GET4: variants seen among roughly 807,000 people sequenced by gnomAD.
GET4 encodes guided entry of tail-anchored proteins factor 4, also known as Golgi to ER traffic protein 4 homolog.
A neutral mutation model predicts 40.0 loss-of-function variants in GET4; 20 were observed. The ratio of observed to expected loss-of-function variants is 0.50; its 90% CI spans 0.35 to 0.73. The LOEUF is 0.73. Ranked by LOEUF, GET4 falls within the 30% of genes least tolerant of loss-of-function variation. The pLI is 0.01. For missense variants in GET4, 557 were observed against 454.0 expected (o/e 1.23, Z -2.06); for synonymous variants, 280 against 194.6 (o/e 1.44, Z -3.65).
intron 8 of GET4, 48 bp from the exon 9 acceptor site, chr7:895,286 C>T (rs773660403): frequency 3.3e-6 from 3 of 911,062 alleles, no homozygotes; most frequent in East Asian, 2.5e-5. Context: ...GCTTGGGGGC[C>T]TGTGGGAGGC....
At chr7:880,658 G>A (rs931307543) in intron 1 of GET4, 4 of 152,220 alleles carry the variant, frequency 2.6e-5, no homozygotes, top group Non-Finnish European at 4.4e-5. Flanking sequence ...TACGGGGCCC[G>A]GGACACGTTA....
intron 4 of GET4, among the ~76,000 whole-genome samples, chr7:888,843 C>T (rs1844249531): frequency 6.6e-6 from 1 of 152,262 alleles, no homozygotes; most frequent in Non-Finnish European, 1.5e-5. Context: ...GCGTGGGCCC[C>T]ACTGCCAGGT....
chr7:889,045 G>A (rs1397745131), intron 4 of GET4, among the ~76,000 whole-genome samples: 3 of 152,254 alleles, frequency 2.0e-5, no homozygotes, highest in Non-Finnish European at 4.4e-5. Context: ...GACCTGCATG[G>A]CAGCTCCTAA....
intron 4 of GET4, 124 bp downstream of exon 4, chr7:887,643 G>C: frequency 1.4e-6 from 1 of 721,512 alleles, no homozygotes; most frequent in Non-Finnish European, 2.0e-6. Context: ...GTGGTCACGC[G>C]GGCCGGTCCA....
chr7:885,328 G>C (rs1454675061), intron 1 of GET4: 1 of 152,216 alleles, frequency 6.6e-6, no homozygotes, highest in African/African-American at 2.4e-5. Flanking sequence ...TGCTGCTCTC[G>C]CAGGCAGGGG....
chr7:894,480 G>T (rs574421178), intron 8 of GET4, among the ~76,000 whole-genome samples: 1 of 152,276 alleles, frequency 6.6e-6, no homozygotes, highest in African/African-American at 2.4e-5. Flanking sequence ...GGTGTGAGGT[G>T]GTGACCTCTC....
chr7:886,586 C>T lies in GET4; in HGVS notation c.252C>T (p.Asp84=), dbSNP rs768763123. ...TCTTGTAGCAAAACAGTGCAGCAGA[C>T]TTGTCCATGCTGGTCCTGGAGTCCC... The part of the protein sequence containing the change: ...FSHGQQNSAA[D]LSMLVLESLE... Residue 84 remains aspartate, a synonymous_variant, in exon 3 of 9, where the codon GAC becomes GAT. Coordinates refer to ENST00000265857, the MANE Select transcript of GET4 (RefSeq NM_015949.3). The T allele has an allele frequency of 6.2e-6, 10 of 1,612,676 alleles. No individual in the cohort carries two copies. Among genetic ancestry groups the T allele is most frequent in the South Asian group, 3.3e-5 (3 of 91,060 alleles).
At chr7:894,016 G>C (rs1844409160) in intron 8 of GET4, 45 bp downstream of exon 8, 7 of 1,361,624 alleles carry the variant, frequency 5.1e-6, no homozygotes, top group Non-Finnish European at 7.0e-6. Context: ...CCCTGGGTCG[G>C]TGTGGGGTCA....
At chr7:879,012 C>G (rs991287310) in intron 1 of GET4, among the ~76,000 whole-genome samples, 6 of 152,122 alleles carry the variant, frequency 3.9e-5, no homozygotes, top group Non-Finnish European at 7.4e-5. Flanking sequence ...GGACCCATCA[C>G]TCACATCGGG....
In GET4 at chr7:886,055, G is replaced by C; in HGVS notation, c.156-1G>C. The C allele has an allele frequency of 6.3e-7, 1 of 1,590,622 alleles. No homozygotes were observed. The highest frequency in any genetic ancestry group is 8.6e-7 in the Non-Finnish European group (1 of 1,160,202). On this transcript the variant is annotated splice_acceptor_variant, in intron 1 of 8. Coordinates refer to ENST00000265857, the MANE Select transcript of GET4 (RefSeq NM_015949.3). LOFTEE classifies it high-confidence loss of function. ...GGCTCACGGTCTCCTCTCTGTGGCA[G>C]GTACATGTCCCAGAGCAAGCACACG...
chr7:891,751 C>G (rs986501256), intron 5 of GET4, among the ~76,000 whole-genome samples: 1 of 152,290 alleles, frequency 6.6e-6, no homozygotes, highest in South Asian at 2.1e-4. Flanking sequence ...GGAGCTTTGC[C>G]AGGAGCTGGC....
chr7:887,224 G>C (rs763207842), intron 3 of GET4, 146 bp from the exon 4 acceptor site: 11 of 841,910 alleles, frequency 1.3e-5, no homozygotes, highest in Non-Finnish European at 2.1e-5. Flanking sequence ...AGCTCAGTGT[G>C]GTGGTCCACG....
intron 1 of GET4, 87 bp downstream of exon 1, chr7:876,887 G>C (rs1489848632): frequency 2.7e-6 from 2 of 731,402 alleles, no homozygotes; most frequent in East Asian, 9.7e-5. Context: ...GCCCCCATTG[G>C]GCCGCGCCGC....
At chr7:886,281 TC>T in intron 2 of GET4, 147 bp downstream of exon 2, 2 of 634,536 alleles carry the variant, frequency 3.2e-6, no homozygotes. Flanking sequence ...GGGCCCAGAG[TC>T]CCCCCTGGCT....
At chr7:893,996 C>G (rs956149205) in intron 8 of GET4, 25 bp downstream of exon 8, 1 of 1,510,214 alleles carries the variant, frequency 6.6e-7, no homozygotes, top group African/African-American at 1.4e-5. Context: ...CCTTGTCACA[C>G]CCACTCCAGC....
chr7:892,426 T>G lies in GET4; in HGVS notation c.746+8T>G. ...GCTGCTGGCTGTGGACGGGTGCGTC[T>G]TGGGATCCTGCAGGGGGAGGGGGCT... On this transcript the variant is annotated splice_region_variant and intron_variant, in intron 6 of 8. Transcript: ENST00000265857. 1.3e-6 allele frequency: 2 copies of G among 1,584,340 alleles called. No individual in the cohort carries two copies. The highest frequency in any genetic ancestry group is 2.2e-5 in the South Asian group (2 of 90,456).
chr7:893,217 G>C (rs1161679407), intron 6 of GET4, among the ~76,000 whole-genome samples: 9 of 143,658 alleles, frequency 6.3e-5, no homozygotes, highest in Admixed American at 1.4e-4. Flanking sequence ...GTGCAGGTGA[G>C]TGTTGGGCGT....
rs769312148 is a variant in GET4, at chr7:887,425, C to T, written c.372C>T (p.Thr124=). Residue 124 remains threonine, a synonymous_variant, in exon 4 of 9, where the codon ACC becomes ACT. Coordinates refer to ENST00000265857, the MANE Select transcript of GET4 (RefSeq NM_015949.3). The part of the protein sequence containing the change: ...LMDPNSPERV[T]FVSRALKWSS... ...ACCCCAACTCTCCTGAGCGCGTGAC[C>T]TTTGTGTCCAGAGCCCTGAAGTGGT... The T allele has an allele frequency of 2.5e-6, 4 of 1,604,578 alleles. No individual in the cohort carries two copies. Among genetic ancestry groups the T allele is most frequent in the Non-Finnish European group, 3.4e-6 (4 of 1,174,484 alleles).
At chr7:891,663 T>C (rs559785868) in intron 5 of GET4, among the ~76,000 whole-genome samples, 79 of 152,318 alleles carry the variant, frequency 5.2e-4, no homozygotes, top group Admixed American at 9.2e-4. Flanking sequence ...AGAACAAATA[T>C]GGATTTCAAG....
Sources: gnomAD v4.1 joint callset for allele counts (sites outside exome capture counted in the v4.1 genomes callset) on GRCh38, gnomAD v4.1.1 for gene constraint, MANE v1.5 for transcripts, NCBI Gene and HGNC (gene_info 2026-07-23, HGNC 2026-07-21) for gene names.